CLEC16A: variants seen among roughly 807,000 people sequenced by gnomAD.
CLEC16A encodes C-type lectin domain containing 16A, also known as protein CLEC16A.
CLEC16A carries 51 observed loss-of-function variants against 109.5 expected under a neutral mutation model. That is an observed-to-expected ratio of 0.47 (90% CI 0.37 to 0.59). The LOEUF (loss-of-function observed/expected upper bound fraction) is 0.59. Among genes scored for constraint, CLEC16A ranks in the 20% least tolerant of loss-of-function variants. The pLI, the probability that CLEC16A is intolerant of heterozygous loss-of-function variation, is 0.00. For synonymous variants in CLEC16A, 673 were observed against 564.2 expected, an observed-to-expected ratio of 1.19 and a Z score of -2.73; for missense variants, 1,339 against 1,394.0, an observed-to-expected ratio of 0.96 and a Z score of 0.63.
intron 22 of CLEC16A, among the ~76,000 whole-genome samples, chr16:11,162,696 C>T (rs567965614): frequency 6.6e-6 from 1 of 152,334 alleles, no homozygotes; most frequent in African/African-American, 2.4e-5. Flanking sequence ...TTAGTCTTCT[C>T]TTACCAGCGT....
chr16:10,962,711 A>G, intron 3 of CLEC16A, 123 bp downstream of exon 3: 1 of 1,030,912 alleles, frequency 9.7e-7, no homozygotes, highest in Non-Finnish European at 1.4e-6. Flanking sequence ...AAAATACCAT[A>G]GACTGAGTGG....
chr16:11,040,101 T>A (rs932505818), intron 14 of CLEC16A: 2 of 497,658 alleles, frequency 4.0e-6, no homozygotes, highest in African/African-American at 3.9e-5. Flanking sequence ...CCCTGCCACT[T>A]GGTAACCATC....
intron 12 of CLEC16A, 184 bp from the exon 13 acceptor site, chr16:11,024,637 G>A: frequency 1.8e-6 from 1 of 541,430 alleles, no homozygotes; most frequent in Non-Finnish European, 3.4e-6. Context: ...CTGGATAGCG[G>A]CTTCCGCAGG....
chr16:11,122,338 C>T (rs1182494885), intron 20 of CLEC16A, among the ~76,000 whole-genome samples: 2 of 152,190 alleles, frequency 1.3e-5, no homozygotes, highest in East Asian at 1.9e-4. Flanking sequence ...AGACATTATC[C>T]ATTAAGTGAC....
rs2046498296 is a variant in CLEC16A, at chr16:11,027,761, C to G, written c.1537+2840C>G. On this transcript the variant is annotated intron_variant, in intron 13 of 23. Transcript: ENST00000409790. ...TCAATCAGCTCATCCGCCAGCTGAA[C>G]TAGACCCAGGTGCCAAACTGCAGTA... 3 of 1,402,210 alleles carry G rather than the reference C, an allele frequency of 2.1e-6. No individual in the cohort carries two copies. The Admixed American group carries it at 5.3e-5, about 25-fold the overall frequency. 86.9% of individuals were successfully genotyped at this position (1,402,210 alleles called of 1,614,324 possible).
At chr16:11,064,600 G>C (rs1296639796) in intron 19 of CLEC16A, among the ~76,000 whole-genome samples, 1 of 152,100 alleles carries the variant, frequency 6.6e-6, no homozygotes, top group Non-Finnish European at 1.5e-5. Flanking sequence ...AACGTAGTGA[G>C]ACCTTGTCTC....
intron 19 of CLEC16A, among the ~76,000 whole-genome samples, chr16:11,069,586 T>C (rs1303635862): frequency 6.6e-6 from 1 of 150,386 alleles, no homozygotes; most frequent in Non-Finnish European, 1.5e-5. Flanking sequence ...CACAGTTTCG[T>C]GCCACCATGT....
intron 19 of CLEC16A, among the ~76,000 whole-genome samples, chr16:11,117,484 A>G (rs574369571): frequency 3.3e-5 from 5 of 152,278 alleles, no homozygotes; most frequent in African/African-American, 1.2e-4. Flanking sequence ...ATCATCTTTC[A>G]TTTAAAATTA....
intron 19 of CLEC16A, among the ~76,000 whole-genome samples, chr16:11,063,957 T>A (rs1342842734): frequency 7.0e-6 from 1 of 142,508 alleles, no homozygotes; most frequent in Non-Finnish European, 1.5e-5. Flanking sequence ...GGAAGGAAGT[T>A]GAAGGGAAGG....
intron 10 of CLEC16A, among the ~76,000 whole-genome samples, chr16:10,984,334 G>C (rs1454863740): frequency 6.6e-6 from 1 of 152,208 alleles, no homozygotes; most frequent in African/African-American, 2.4e-5. Flanking sequence ...AGTGGTGGTG[G>C]CATTAGTGAA....
intron 18 of CLEC16A, among the ~76,000 whole-genome samples, chr16:11,052,495 G>A (rs768680830): frequency 2.6e-4 from 39 of 152,164 alleles, no homozygotes; most frequent in African/African-American, 6.5e-4. Context: ...GTTCTACCTC[G>A]GAAGCCTGGG....
rs755453916 is a variant in CLEC16A at position 10,957,928 on chromosome 16, T to C, written c.209+18T>C. 6.2e-7 allele frequency: 1 copy of C among 1,609,462 alleles called. No homozygotes were observed. Among genetic ancestry groups the C allele is most frequent in the South Asian group, 1.1e-5 (1 of 90,774 alleles). ...GTATTTGAGTAAGGGTTTCTAATGA[T>C]TGCTGTTCTTTGATTATTCTTCTTT... is the stretch of plus-strand genomic sequence containing the variant. On this transcript the variant is annotated intron_variant, in intron 2 of 23. Transcript: ENST00000409790.
intron 19 of CLEC16A, among the ~76,000 whole-genome samples, chr16:11,116,514 C>T (rs753624131): frequency 2.0e-4 from 31 of 152,028 alleles, no homozygotes; most frequent in Non-Finnish European, 3.5e-4. Context: ...GAGGGAAACA[C>T]GAGGCCTGTA....
chr16:11,151,890 T>C (rs1189143610), intron 22 of CLEC16A, among the ~76,000 whole-genome samples: 1 of 152,158 alleles, frequency 6.6e-6, no homozygotes, highest in Non-Finnish European at 1.5e-5. Flanking sequence ...GATAGCTTTT[T>C]AGGGTAGTTC....
At chr16:10,968,404 G>T (rs551450571) in intron 3 of CLEC16A, among the ~76,000 whole-genome samples, 2 of 152,268 alleles carry the variant, frequency 1.3e-5, no homozygotes, top group Non-Finnish European at 2.9e-5. Context: ...CATTTCTGCA[G>T]GGCCAGGCGC....
intron 19 of CLEC16A, 79 bp from the exon 20 acceptor site, chr16:11,120,536 A>G (rs1255724094): frequency 1.1e-5 from 16 of 1,445,146 alleles, no homozygotes; most frequent in Non-Finnish European, 1.5e-5. Flanking sequence ...TCCTGATAGA[A>G]TGAGAGTCAG....
At chr16:11,015,075 T>A (rs941303197) in intron 11 of CLEC16A, among the ~76,000 whole-genome samples, 1 of 152,182 alleles carries the variant, frequency 6.6e-6, no homozygotes, top group Non-Finnish European at 1.5e-5. Flanking sequence ...CTATAAGGGT[T>A]GTTTCAGTAC....
At position 10,969,183 on chromosome 16, in the gene CLEC16A, C is replaced by A; in HGVS notation, c.366C>A (p.Tyr122Ter). Residue 122 changes from tyrosine (Y) to a stop codon, truncating the protein, a stop_gained, in exon 4 of 24, where the codon TAC becomes TAA. Transcript: ENST00000409790. LOFTEE classifies it high-confidence loss of function. ...TAGATTATTTGCTCTCAAATAACTA[C>A]GTAAATTCTATCATCGTTCATAAAT... ...TSLYYLLSNN[Y>*]VNSIIVHKFD... 6.2e-7 allele frequency: 1 copy of A among 1,610,026 alleles called. No homozygotes were observed. The highest frequency in any genetic ancestry group is 8.5e-7 in the Non-Finnish European group (1 of 1,177,408).
rs574413234 is a variant in CLEC16A, at chr16:11,020,822, G to A, written c.1436+497G>A. 3.7e-4 allele frequency among the ~76,000 whole-genome samples: 56 copies of A among 152,282 alleles called. No homozygotes were observed. The South Asian group carries it at 7.1e-3, about 19-fold the overall frequency. ...TTTTTGCCTGATTGTTCATTTCATC[G>A]ATGGCCATCTGTAGCTACATCTTCT... On this transcript the variant is annotated intron_variant, in intron 12 of 23. Coordinates refer to ENST00000409790, the MANE Select transcript of CLEC16A (RefSeq NM_015226.3).
Sources: gnomAD v4.1 joint callset for allele counts (sites outside exome capture counted in the v4.1 genomes callset) on GRCh38, gnomAD v4.1.1 for gene constraint, MANE v1.5 for transcripts, NCBI Gene and HGNC (gene_info 2026-07-23, HGNC 2026-07-21) for gene names.